The following PCDHGA1 variants were observed in gnomAD, a reference collection of about 807,000 sequenced individuals.
PCDHGA1 encodes the protein protocadherin gamma subfamily A, 1.
Under a neutral mutation model 58.0 loss-of-function variants are expected in PCDHGA1, and 32 were observed. The ratio of observed to expected loss-of-function variants is 0.55; its 90% CI spans 0.42 to 0.74. PCDHGA1 has a LOEUF of 0.74. Among genes scored for constraint, PCDHGA1 ranks in the 30% least tolerant of loss-of-function variants. The pLI is 0.00. For missense variants in PCDHGA1, 1,205 were observed against 1,182.3 expected (o/e 1.02, Z -0.28); for synonymous variants, 498 against 501.1 (o/e 0.99, Z 0.08).
intron 1 of PCDHGA1, among the ~76,000 whole-genome samples, chr5:141,465,538 A>AT (rs2099105284): frequency 6.6e-6 from 1 of 152,112 alleles, no homozygotes; most frequent in Non-Finnish European, 1.5e-5. Context: ...TTTCCCAGGC[A>AT]TTTTTTCTGC....
At chr5:141,443,872 A>C (rs1446612063) in intron 1 of PCDHGA1, among the ~76,000 whole-genome samples, 4 of 152,212 alleles carry the variant, frequency 2.6e-5, no homozygotes, top group African/African-American at 9.7e-5. Flanking sequence ...AAAATTACTG[A>C]TAAGTCAAGA....
chr5:141,371,300 C>G, intron 1 of PCDHGA1: 1 of 1,613,950 alleles, frequency 6.2e-7, no homozygotes, highest in Non-Finnish European at 8.5e-7. Context: ...GGGAACTCAC[C>G]ACTATTGGAG....
chr5:141,397,407 G>C (rs1383716790), intron 1 of PCDHGA1, among the ~76,000 whole-genome samples: 1 of 152,108 alleles, frequency 6.6e-6, no homozygotes. Context: ...TTACAAAATA[G>C]TTTTAAATAG....
intron 1 of PCDHGA1, chr5:141,385,538 G>A (rs914768371): frequency 4.1e-5 from 55 of 1,337,642 alleles, no homozygotes; most frequent in Non-Finnish European, 4.8e-5. Flanking sequence ...TTATGAATAT[G>A]TGGACTATCA....
chr5:141,360,157 T>A (rs185682995), intron 1 of PCDHGA1: 3 of 1,603,412 alleles, frequency 1.9e-6, no homozygotes, highest in African/African-American at 1.3e-5. Flanking sequence ...CTCAGGGAGG[T>A]GCGGGCTGGT....
At chr5:141,363,513 T>C (rs995820646) in intron 1 of PCDHGA1, among the ~76,000 whole-genome samples, 1 of 152,210 alleles carries the variant, frequency 6.6e-6, no homozygotes, top group Non-Finnish European at 1.5e-5. Context: ...TCCTCCACAG[T>C]TACTATACTG....
intron 1 of PCDHGA1, chr5:141,399,563 T>G: frequency 6.2e-7 from 1 of 1,614,054 alleles, no homozygotes; most frequent in Non-Finnish European, 8.5e-7. Flanking sequence ...GACTTGGGGT[T>G]GAACGGCCAA....
chr5:141,378,022 A>G (rs1411303620), intron 1 of PCDHGA1: 2 of 152,188 alleles, frequency 1.3e-5, no homozygotes, highest in Non-Finnish European at 2.9e-5. Flanking sequence ...TACTTATATT[A>G]TTTTTTAAAA....
At position 141,409,157 on chromosome 5, in the gene PCDHGA1, G is replaced by C. The variant is rs774813801; in HGVS notation, c.2421+76052G>C. 4 of 1,614,054 alleles carry C rather than the reference G, an allele frequency of 2.5e-6. No homozygotes were observed. In the South Asian group the frequency reaches 4.4e-5, roughly 18 times the overall value. ...AGATGTAGAAAGGTACACCATGGAA[G>C]TGGAAGCGAAGGACGGAGGTGGTCT... On this transcript the variant is annotated intron_variant, in intron 1 of 3. Coordinates refer to ENST00000517417, the MANE Select transcript of PCDHGA1 (RefSeq NM_018912.3).
chr5:141,350,124 G>A, intron 1 of PCDHGA1: 1 of 668,454 alleles, frequency 1.5e-6, no homozygotes, highest in Non-Finnish European at 2.3e-6. Context: ...CCGGTGCACT[G>A]AGCACAGACG....
rs1283688342 is a variant in PCDHGA1, at chr5:141,437,688, T to G, written c.2422-57119T>G. On this transcript the variant is annotated intron_variant, in intron 1 of 3. Transcript: ENST00000517417. ...GAGATGTTGATCAAACTGATGAGGCTAAATCTCAAGAAAGAGACACAGTTA... is the reference window on the plus strand; with the variant it reads ...GAGATGTTGATCAAACTGATGAGGCGAAATCTCAAGAAAGAGACACAGTTA... Among the ~76,000 whole-genome samples the G allele has an allele frequency of 4.0e-5, 6 of 151,890 alleles. 1 individual carries two copies. The East Asian group carries it at 1.2e-3, about 29-fold the overall frequency.
In PCDHGA1 at chr5:141,403,493, A is replaced by G. The variant is rs762825635; in HGVS notation, c.2421+70388A>G. The G allele has an allele frequency of 8.7e-6, 14 of 1,613,886 alleles. No homozygotes were observed. The highest frequency in any genetic ancestry group is 5.0e-5 in the Admixed American group (3 of 59,998). Reference sequence around the variant, plus strand: ...CAGCCCCAATCACCACTTCTCCCTGAACGTGCAGACTGGAGACAATGGAGC... The same window carrying G: ...CAGCCCCAATCACCACTTCTCCCTGGACGTGCAGACTGGAGACAATGGAGC... On this transcript the variant is annotated intron_variant, in intron 1 of 3. Coordinates refer to ENST00000517417, the MANE Select transcript of PCDHGA1 (RefSeq NM_018912.3).
chr5:141,403,571 G>A (rs778030830), intron 1 of PCDHGA1: 1 of 1,613,904 alleles, frequency 6.2e-7, no homozygotes, highest in Non-Finnish European at 8.5e-7. Context: ...GGAGGCAACT[G>A]CCCACCACCT....
At chr5:141,336,761 A>C (rs1203273251) in intron 1 of PCDHGA1, among the ~76,000 whole-genome samples, 43 of 152,232 alleles carry the variant, frequency 2.8e-4, no homozygotes, top group Admixed American at 2.7e-3. Flanking sequence ...CCAAAAGCAC[A>C]AGCAACAAAA....
chr5:141,447,388 T>C (rs1302757515), intron 1 of PCDHGA1, among the ~76,000 whole-genome samples: 3 of 152,166 alleles, frequency 2.0e-5, no homozygotes, highest in African/African-American at 7.2e-5. Flanking sequence ...TCTGCCCACC[T>C]CGGCCTCCCA....
At chr5:141,381,835 T>C (rs1342005630) in intron 1 of PCDHGA1, among the ~76,000 whole-genome samples, 58 of 141,162 alleles carry the variant, frequency 4.1e-4, no homozygotes, top group African/African-American at 1.5e-3. Context: ...TCTTTTTTTT[T>C]TTTTTTTTTT....
intron 1 of PCDHGA1, chr5:141,372,877 A>G: frequency 1.6e-6 from 2 of 1,270,298 alleles, no homozygotes; most frequent in Non-Finnish European, 2.1e-6. Flanking sequence ...TAGAGATAAA[A>G]AGAATACAGA....
intron 1 of PCDHGA1, chr5:141,383,853 G>C (rs942698942): frequency 1.2e-6 from 2 of 1,613,948 alleles, no homozygotes; most frequent in Middle Eastern, 3.3e-4. Flanking sequence ...ATGAAATGGA[G>C]GTTCAGGCTC....
chr5:141,364,176 C>G, intron 1 of PCDHGA1: 1 of 835,076 alleles, frequency 1.2e-6, no homozygotes, highest in Non-Finnish European at 1.7e-6. Flanking sequence ...CGACTCTGCT[C>G]CCTCCATACT....
Sources: gnomAD v4.1 joint callset for allele counts (sites outside exome capture counted in the v4.1 genomes callset) on GRCh38, gnomAD v4.1.1 for gene constraint, MANE v1.5 for transcripts, NCBI Gene and HGNC (gene_info 2026-07-23, HGNC 2026-07-21) for gene names.